IL10: variants seen among roughly 807,000 people sequenced by gnomAD.
IL10 encodes the protein interleukin 10, also known as interleukin-10.
Under a neutral mutation model 21.0 loss-of-function variants are expected in IL10, and 7 were observed. The ratio of observed to expected loss-of-function variants is 0.33; its 90% confidence interval spans 0.19 to 0.63. IL10 has a LOEUF of 0.63. IL10 is among the 20% of genes least tolerant of loss of function. IL10 has a pLI of 0.77. For synonymous variants in IL10, 83 were observed against 79.7 expected (o/e 1.04, Z -0.22); for missense variants, 161 against 213.0 (o/e 0.76, Z 1.52).
intron 1 of IL10, among the ~76,000 whole-genome samples, chr1:206,771,956 C>T (rs1203205359): frequency 2.0e-5 from 3 of 152,006 alleles, no homozygotes; most frequent in Admixed American, 6.5e-5. Context: ...ATCTTCACCT[C>T]GAATCAGACA....
chr1:206,770,732 C>T (rs3024507), intron 3 of IL10, among the ~76,000 whole-genome samples, 175 bp downstream of exon 3: 1,728 of 152,272 alleles, frequency 0.011, 14 homozygotes, highest in Non-Finnish European at 0.018. Context: ...CCACCCCCAA[C>T]GCCTGCTCAA....
In IL10 at chr1:206,767,875, G is replaced by A. The variant is rs6687786; in HGVS notation, c.*761C>T. On this transcript the variant is annotated 3_prime_UTR_variant, in exon 5 of 5. Coordinates refer to ENST00000423557, the MANE Select transcript of IL10 (RefSeq NM_000572.3). ...CTCCCAAGTAGCTGGGATTACAGGT[G>A]CGCGCCACCATGCCCGGCTAATTTT... The A allele has an allele frequency of 0.022, 3,428 of 154,958 alleles. 128 individuals carry two copies. The highest frequency in any genetic ancestry group is 0.079 in the African/African-American group (3,289 of 41,540). The allele number at this position is 154,958 out of a possible 1,614,324, so 9.6% of individuals were successfully genotyped here.
At chr1:206,770,659 C>T (rs183156478) in intron 3 of IL10, 2 of 555,648 alleles carry the variant, frequency 3.6e-6, no homozygotes, top group African/African-American at 1.9e-5. Context: ...AGTTAATAAC[C>T]CACAAATGAC....
In IL10 at chr1:206,772,406, C is replaced by G. The variant is rs762421652; in HGVS notation, c.30G>C (p.Leu10=). 10 of 1,613,974 alleles carry G rather than the reference C, an allele frequency of 6.2e-6. No individual in the cohort carries two copies. In the African/African-American group the frequency reaches 1.3e-4, roughly 22 times the overall value. The change falls in exon 1 of 5, where the codon CTG becomes CTC. Residue 10 remains leucine (L), a synonymous_variant. Coordinates refer to ENST00000423557, the MANE Select transcript of IL10 (RefSeq NM_000572.3). The stretch of plus-strand genomic sequence containing the variant: ...TGGCCCTCACCCCAGTCAGGAGGAC[C>G]AGGCAACAGAGCAGTGCTGAGCTGT... MHSSALLCC[L]VLLTGVRASP...
At chr1:206,771,439 T>C (rs1280123253) in intron 1 of IL10, 24 bp from the exon 2 acceptor site, 2 of 1,583,622 alleles carry the variant, frequency 1.3e-6, no homozygotes, top group African/African-American at 1.3e-5. Flanking sequence ...AAAAGGAGAA[T>C]GAACTTGAGG....
chr1:206,771,233 C>T, intron 2 of IL10, 123 bp downstream of exon 2: 1 of 1,155,224 alleles, frequency 8.7e-7, no homozygotes, highest in South Asian at 1.2e-5. Flanking sequence ...GCTGAGTTAA[C>T]ATCTTCCCAC....
chr1:206,772,352 G>A lies in IL10; in HGVS notation c.84C>T (p.Asn28=), dbSNP rs945097885. The A allele has an allele frequency of 1.9e-6, 3 of 1,614,066 alleles. No individual in the cohort carries two copies. Among genetic ancestry groups the A allele is most frequent in the Non-Finnish European group, 2.5e-6 (3 of 1,180,000 alleles). ...ASPGQGTQSE[N]SCTHFPGNLP... ...GGTTGCCTGGGAAGTGGGTGCAGCTGTTCTCAGACTGGGTGCCCTGGCCTG... is the reference window on the plus strand; with the variant it reads ...GGTTGCCTGGGAAGTGGGTGCAGCTATTCTCAGACTGGGTGCCCTGGCCTG... Residue 28 remains asparagine (N), a synonymous_variant, in exon 1 of 5, where the codon AAC becomes AAT. Transcript: ENST00000423557.
Position 206,772,378 on chromosome 1 carries a change from G to T in IL10, c.58C>A (p.Pro20Thr). ...LVLLTGVRAS[P>T]GQGTQSENSC... Reference sequence around the variant, plus strand: ...TTCTCAGACTGGGTGCCCTGGCCTGGGCTGGCCCTCACCCCAGTCAGGAGG... The same window carrying T: ...TTCTCAGACTGGGTGCCCTGGCCTGTGCTGGCCCTCACCCCAGTCAGGAGG... The change falls in exon 1 of 5, where the codon CCA becomes ACA. Residue 20 changes from proline to threonine, a missense_variant. Pro to Thr is a conservative substitution (Grantham distance 38). Transcript: ENST00000423557. The T allele has an allele frequency of 6.2e-7, 1 of 1,614,166 alleles. No individual in the cohort carries two copies. The highest frequency in any genetic ancestry group is 8.5e-7 in the Non-Finnish European group (1 of 1,180,002).
chr1:206,771,957 G>T (rs917489426), intron 1 of IL10, among the ~76,000 whole-genome samples: 1 of 151,972 alleles, frequency 6.6e-6, no homozygotes, highest in African/African-American at 2.4e-5. Context: ...TCTTCACCTC[G>T]AATCAGACAT....
intron 3 of IL10, chr1:206,770,568 C>A (rs1176629549): frequency 2.7e-6 from 1 of 364,766 alleles, no homozygotes; most frequent in African/African-American, 2.1e-5. Context: ...AACCTTAGCT[C>A]CCCGCCCAGG....
rs1674730626 is a variant in IL10, at chr1:206,768,508, A to G, written c.*128T>C. On this transcript the variant is annotated 3_prime_UTR_variant, in exon 5 of 5. Coordinates refer to ENST00000423557, the MANE Select transcript of IL10 (RefSeq NM_000572.3). The stretch of plus-strand genomic sequence containing the variant: ...TGGGGGTTGAGGTATCAGAGGTAAT[A>G]AATATTCTATAAGAGAGGTACAATA... 1.3e-5 allele frequency: 9 copies of G among 676,184 alleles called. No homozygotes were observed. In the East Asian group the frequency reaches 2.4e-4, roughly 18 times the overall value. The allele number at this position is 676,184 out of a possible 1,614,324, so 41.9% of individuals were successfully genotyped here.
Position 206,768,374 on chromosome 1 carries a change from C to T in IL10, c.*262G>A. Reference sequence around the variant, plus strand: ...ACACTCAAATACCATAGTGTGTCACCCTATGGAAACAGCTTAAAAACAGGT... The same window carrying T: ...ACACTCAAATACCATAGTGTGTCACTCTATGGAAACAGCTTAAAAACAGGT... On this transcript the variant is annotated 3_prime_UTR_variant, in exon 5 of 5. Coordinates refer to ENST00000423557, the MANE Select transcript of IL10 (RefSeq NM_000572.3). 4.5e-6 allele frequency: 2 copies of T among 444,084 alleles called. No homozygotes were observed. The highest frequency in any genetic ancestry group is 6.2e-4 in the Middle Eastern group (1 of 1,614). 27.5% of individuals were successfully genotyped at this position (444,084 alleles called of 1,614,324 possible).
intron 4 of IL10, among the ~76,000 whole-genome samples, chr1:206,769,131 C>T (rs1380370124): frequency 1.3e-5 from 2 of 152,214 alleles, no homozygotes; most frequent in African/African-American, 4.8e-5. Context: ...ACTGAGCAGG[C>T]CCTGCCCTGC....
Position 206,768,104 on chromosome 1 carries a change from TTA to T in IL10, c.*530_*531del. On this transcript the variant is annotated 3_prime_UTR_variant, in exon 5 of 5. Coordinates refer to ENST00000423557, the MANE Select transcript of IL10 (RefSeq NM_000572.3). ...AGAATGAAGTGGTTGGGGAATGAGG[TTA>T]GGGGAATCCCTCCGAGACACTGGAA... 4.8e-6 allele frequency: 1 copy of T among 210,220 alleles called. No homozygotes were observed. The highest frequency in any genetic ancestry group is 5.7e-5 in the Admixed American group (1 of 17,432). 13.0% of individuals were successfully genotyped at this position (210,220 alleles called of 1,614,324 possible).
At position 206,772,302 on chromosome 1, in the gene IL10, C is replaced by T. The variant is rs550164520; in HGVS notation, c.134G>A (p.Arg45Gln). 4.5e-5 allele frequency: 73 copies of T among 1,614,156 alleles called. No individual in the cohort carries two copies. Among genetic ancestry groups the T allele is most frequent in the Non-Finnish European group, 5.9e-5 (70 of 1,180,004 alleles). ...GNLPNMLRDL[R>Q]DAFSRVKTFF... ...AGTCTTCACTCTGCTGAAGGCATCT[C>T]GGAGATCTCGAAGCATGTTAGGCAG... Residue 45 changes from arginine (R) to glutamine (Q), a missense_variant, in exon 1 of 5, where the codon CGA becomes CAA. Arg to Gln is a conservative substitution (Grantham distance 43, BLOSUM62 1). Transcript: ENST00000423557.
intron 1 of IL10, among the ~76,000 whole-genome samples, 172 bp downstream of exon 1, chr1:206,772,099 A>T (rs1024391121): frequency 6.6e-6 from 1 of 152,246 alleles, no homozygotes; most frequent in Admixed American, 6.5e-5. Context: ...GGCTTAGCTT[A>T]ACTCACCAAA....
Position 206,767,805 on chromosome 1 carries a change from C to G in IL10, c.*831G>C, listed in dbSNP as rs1276618472. 6.6e-6 allele frequency: 1 copy of G among 152,626 alleles called. No homozygotes were observed. Among genetic ancestry groups the G allele is most frequent in the Non-Finnish European group, 1.5e-5 (1 of 68,358 alleles). The allele number at this position is 152,626 out of a possible 1,614,324, so 9.5% of individuals were successfully genotyped here. ...AGTACAGGGGCATGATATCAGCTCA[C>G]TGCAACTTCCATCTCCTGGGTTCAA... On this transcript the variant is annotated 3_prime_UTR_variant, in exon 5 of 5. Coordinates refer to ENST00000423557, the MANE Select transcript of IL10 (RefSeq NM_000572.3).
intron 4 of IL10, chr1:206,769,567 G>A: frequency 1.8e-6 from 1 of 568,446 alleles, no homozygotes; most frequent in Admixed American, 3.0e-5. Context: ...GTGTTCACAG[G>A]CTGGCCGGCC....
In IL10 at chr1:206,772,208, A is replaced by G. The variant is rs1250426449; in HGVS notation, c.165+63T>C. 11 of 1,448,038 alleles carry G rather than the reference A, an allele frequency of 7.6e-6. No individual in the cohort carries two copies. In the South Asian group the frequency reaches 8.0e-5, roughly 11 times the overall value. The allele number at this position is 1,448,038 out of a possible 1,614,324, so 89.7% of individuals were successfully genotyped here. On this transcript the variant is annotated intron_variant, in intron 1 of 4. Coordinates refer to ENST00000423557, the MANE Select transcript of IL10 (RefSeq NM_000572.3). ...GCAGGAGGAGGGTTCTTATAGTTCC[A>G]GGAGAATGTCTAGTTCAGGCAGTCC... is the stretch of plus-strand genomic sequence containing the variant.
Sources: gnomAD v4.1 joint callset for allele counts (sites outside exome capture counted in the v4.1 genomes callset) on GRCh38, gnomAD v4.1.1 for gene constraint, MANE v1.5 for transcripts, NCBI Gene and HGNC (gene_info 2026-07-23, HGNC 2026-07-21) for gene names.